The following ATF3 variants were observed in gnomAD, a reference collection of about 807,000 sequenced individuals.
ATF3 encodes activating transcription factor 3.
Under a neutral mutation model 18.4 loss-of-function variants are expected in ATF3, and 10 were observed. The observed-to-expected ratio is 0.54, with a 90% confidence interval of 0.34 to 0.92. The LOEUF (loss-of-function observed/expected upper bound fraction) is 0.92, where lower values mean the gene tolerates loss of function less well. ATF3 is among the 40% of genes least tolerant of loss of function. ATF3 has a pLI of 0.02. For missense variants in ATF3, 183 were observed against 222.3 expected (o/e 0.82, Z 1.12); for synonymous variants, 78 against 87.9 (o/e 0.89, Z 0.63).
At position 212,571,650 on chromosome 1, in the gene ATF3, T is replaced by G. The variant is rs181168108; in HGVS notation, c.-5+6167T>G. Among the ~76,000 whole-genome samples the G allele has an allele frequency of 1.4e-4, 22 of 151,952 alleles. No individual in the cohort carries two copies. In the East Asian group the frequency reaches 4.3e-3, roughly 30 times the overall value. ...GTCTTGAACTCCTGACCTCAGTTGA[T>G]CCACCCACCTTGGCCTCCCAAAGTG... On this transcript the variant is annotated intron_variant, in intron 1 of 3. Coordinates refer to the ATF3 transcript ENST00000366981.
rs539381221 is a variant in ATF3, at chr1:212,580,126, C to G, written c.-5+14643C>G. ...TGAGCCGAGATCGAGCCATTGCATT[C>G]CAGCCTGGTGACAAAGCTAGACTCC... On this transcript the variant is annotated intron_variant, in intron 1 of 3. Transcript: ENST00000366981. Among the ~76,000 whole-genome samples the G allele has an allele frequency of 9.0e-4, 136 of 151,176 alleles. 1 individual carries two copies. The highest frequency in any genetic ancestry group is 3.2e-3 in the African/African-American group (130 of 41,070).
chr1:212,615,231 A>G lies in ATF3; in HGVS notation c.210A>G (p.Arg70=). The part of the protein sequence containing the change: ...SALESVTVSD[R]PLGVSITKAE... Reference sequence around the variant, plus strand: ...TGGAATCAGTCACTGTCAGCGACAGACCCCTCGGGGTGTCCATCACAAAAG... The same window carrying G: ...TGGAATCAGTCACTGTCAGCGACAGGCCCCTCGGGGTGTCCATCACAAAAG... Residue 70 remains arginine (R), a synonymous_variant, in exon 2 of 4, where the codon AGA becomes AGG. Transcript: ENST00000341491. 1 of 1,613,826 alleles carries G rather than the reference A, an allele frequency of 6.2e-7. No homozygotes were observed. Among genetic ancestry groups the G allele is most frequent in the Non-Finnish European group, 8.5e-7 (1 of 1,179,928 alleles).
chr1:212,587,181 T>C (rs1465335609), intron 1 of ATF3, among the ~76,000 whole-genome samples: 1 of 152,226 alleles, frequency 6.6e-6, no homozygotes, highest in Non-Finnish European at 1.5e-5. Context: ...GTGATGTATT[T>C]AAAAGACCGT....
intron 1 of ATF3, among the ~76,000 whole-genome samples, chr1:212,588,143 T>C (rs1664813976): frequency 6.6e-6 from 1 of 152,144 alleles, no homozygotes; most frequent in Admixed American, 6.5e-5. Flanking sequence ...CCCTCTCTCC[T>C]TGAGAAGCTT....
At chr1:212,569,131 TC>T (rs1187044774) in intron 1 of ATF3, among the ~76,000 whole-genome samples, 1 of 152,210 alleles carries the variant, frequency 6.6e-6, no homozygotes, top group East Asian at 1.9e-4. Flanking sequence ...CTTTATTTCT[TC>T]TACTCTTTCT....
rs934646716 is a variant in ATF3, at chr1:212,618,017, C to T, written c.241-110C>T. On this transcript the variant is annotated intron_variant, in intron 2 of 3. Coordinates refer to ENST00000341491, the MANE Select transcript of ATF3 (RefSeq NM_001674.4). This position sits in a 1 kb window ranked among gnomAD's most constrained non-coding sequence, Gnocchi z 4.4. ...GCTTTAGTATTTCGGGGTCTTTTAG[C>T]GCTAGCATTGCCCTTGTCTGCCAGC... The T allele has an allele frequency of 7.6e-6, 8 of 1,049,890 alleles. No individual in the cohort carries two copies. Among genetic ancestry groups the T allele is most frequent in the East Asian group, 5.1e-5 (2 of 38,976 alleles). 65.0% of individuals were successfully genotyped at this position (1,049,890 alleles called of 1,614,324 possible).
At chr1:212,594,034 C>T (rs140451105) in intron 1 of ATF3, among the ~76,000 whole-genome samples, 44 of 152,386 alleles carry the variant, frequency 2.9e-4, no homozygotes, top group African/African-American at 9.9e-4. Flanking sequence ...ACACATCCAC[C>T]TGGAAGGAAT....
intron 1 of ATF3, among the ~76,000 whole-genome samples, chr1:212,591,482 G>A (rs1664883373): frequency 6.6e-6 from 1 of 152,204 alleles, no homozygotes; most frequent in Non-Finnish European, 1.5e-5. Flanking sequence ...TTTTGAAAAT[G>A]TAAGTGCTCT....
chr1:212,596,741 T>C (rs1558232779), intron 1 of ATF3, among the ~76,000 whole-genome samples: 1 of 152,236 alleles, frequency 6.6e-6, no homozygotes, highest in Non-Finnish European at 1.5e-5. Context: ...GGCACATGAA[T>C]GGTGAGCTAG....
chr1:212,594,155 A>C (rs748489848), intron 1 of ATF3, among the ~76,000 whole-genome samples: 5 of 151,772 alleles, frequency 3.3e-5, no homozygotes, highest in Non-Finnish European at 7.4e-5. Flanking sequence ...TGTTTCCTCC[A>C]GTTCGGGGCT....
At chr1:212,566,155 G>C (rs1193802342) in intron 1 of ATF3, among the ~76,000 whole-genome samples, 2 of 152,152 alleles carry the variant, frequency 1.3e-5, no homozygotes, top group African/African-American at 4.8e-5. Flanking sequence ...TTGGCAGCTG[G>C]TTCTGCCAAG....
intron 1 of ATF3, among the ~76,000 whole-genome samples, chr1:212,614,601 AAAGAG>A (rs1286720167): frequency 3.4e-5 from 5 of 148,312 alleles, no homozygotes; most frequent in African/African-American, 5.0e-5. Context: ...AAAAAAAAAA[AAAGAG>A]AGAGAGAGAG....
intron 1 of ATF3, among the ~76,000 whole-genome samples, chr1:212,571,966 C>T (rs1475374964): frequency 6.6e-6 from 1 of 151,924 alleles, no homozygotes; most frequent in East Asian, 1.9e-4. Flanking sequence ...CCCGGCTCGG[C>T]CTCCCAAAGT....
rs545303076 is a variant in ATF3, at chr1:212,618,577, C to G, written c.348+343C>G. On this transcript the variant is annotated intron_variant, in intron 3 of 3. Coordinates refer to ENST00000341491, the MANE Select transcript of ATF3 (RefSeq NM_001674.4). This position sits in a 1 kb window ranked among gnomAD's most constrained non-coding sequence, Gnocchi z 4.4. ...TGACTGTTTTCCTGAGAAAAGGAAG[C>G]TGCCAGCTCTCATTTGGCTCACTAT... 2.5e-6 allele frequency: 1 copy of G among 405,434 alleles called. No homozygotes were observed. The highest frequency in any genetic ancestry group is 5.3e-5 in the East Asian group (1 of 18,792). 25.1% of individuals were successfully genotyped at this position (405,434 alleles called of 1,614,324 possible). A position where few individuals can be genotyped will look rare whatever the true frequency, so the allele number is the denominator to read the frequency against.
upstream of ATF3, chr1:212,608,743 T>A (rs568613276): frequency 3.3e-5 from 5 of 151,798 alleles, no homozygotes; most frequent in South Asian, 4.2e-4. Context: ...AAAGGGGTGA[T>A]GCAACGCTCT....
intron 1 of ATF3, among the ~76,000 whole-genome samples, chr1:212,581,424 G>A (rs1452412433): frequency 6.6e-6 from 1 of 152,188 alleles, no homozygotes; most frequent in East Asian, 1.9e-4. Flanking sequence ...GCTCAGCAGT[G>A]CCCTGAGTGA....
chr1:212,611,031 T>A (rs1337369483), intron 1 of ATF3, among the ~76,000 whole-genome samples: 5 of 152,200 alleles, frequency 3.3e-5, no homozygotes, highest in African/African-American at 1.2e-4. Flanking sequence ...TCCTTCCTTT[T>A]TAAAATTGGC....
At chr1:212,596,910 G>A (rs140177854) in intron 1 of ATF3, among the ~76,000 whole-genome samples, 1 of 152,366 alleles carries the variant, frequency 6.6e-6, no homozygotes, top group African/African-American at 2.4e-5. Flanking sequence ...TCTGCTAAGT[G>A]CCCAGTGTGG....
intron 1 of ATF3, among the ~76,000 whole-genome samples, chr1:212,574,296 T>C (rs1453968962): frequency 1.3e-5 from 2 of 151,988 alleles, no homozygotes; most frequent in South Asian, 2.1e-4. Context: ...TATGTTCTTA[T>C]ACTTTAATTT....
Sources: gnomAD v4.1 joint callset for allele counts (sites outside exome capture counted in the v4.1 genomes callset) on GRCh38, gnomAD v4.1.1 for gene constraint, Gnocchi (gnomAD v3.1) non-coding constraint, MANE v1.5 for transcripts, NCBI Gene and HGNC (gene_info 2026-07-23, HGNC 2026-07-21) for gene names.